LRRC7: variants seen among roughly 807,000 people sequenced by gnomAD.
LRRC7 encodes the protein leucine rich repeat containing 7, also known as leucine-rich repeat-containing protein 7.
In LRRC7, 23 loss-of-function variants were observed where a neutral mutation model predicts 175.7. The ratio of observed to expected loss-of-function variants is 0.13; its 90% CI spans 0.09 to 0.19. The LOEUF is 0.19. Among genes scored for constraint, LRRC7 ranks in the 10% least tolerant of loss-of-function variants. The pLI is 1.00. For missense variants in LRRC7, 1,354 were observed against 1,904.7 expected (o/e 0.71, Z 5.38); for synonymous variants, 685 against 680.9 (o/e 1.01, Z -0.09).
chr1:69,850,101 C>T (rs546954259), intron 7 of LRRC7, among the ~76,000 whole-genome samples: 1 of 151,880 alleles, frequency 6.6e-6, no homozygotes, highest in African/African-American at 2.4e-5. Flanking sequence ...TTTTTCTAGG[C>T]TGGTCCAGAA....
chr1:69,807,681 G>A (rs1677295987), intron 4 of LRRC7, among the ~76,000 whole-genome samples: 1 of 152,064 alleles, frequency 6.6e-6, no homozygotes, highest in African/African-American at 2.4e-5. Context: ...TAGTCTGATG[G>A]GCTTCCCTTT....
chr1:69,932,409 T>C (rs1647478932), intron 8 of LRRC7, among the ~76,000 whole-genome samples: 1 of 152,216 alleles, frequency 6.6e-6, no homozygotes, highest in Non-Finnish European at 1.5e-5. Flanking sequence ...ATTATAATGT[T>C]CTCTCTTACA....
chr1:69,670,761 G>C (rs1658954425), intron 1 of LRRC7, among the ~76,000 whole-genome samples: 1 of 152,102 alleles, frequency 6.6e-6, no homozygotes, highest in Admixed American at 6.5e-5. Flanking sequence ...TCTTTCCATT[G>C]GGAGAAGAGT....
At chr1:69,745,805 G>T (rs1669193727) in intron 2 of LRRC7, among the ~76,000 whole-genome samples, 1 of 151,554 alleles carries the variant, frequency 6.6e-6, no homozygotes. Flanking sequence ...CATTAATAGT[G>T]CTTTATTTCC....
At chr1:69,960,486 G>A (rs1456868857) in intron 8 of LRRC7, among the ~76,000 whole-genome samples, 2 of 151,840 alleles carry the variant, frequency 1.3e-5, no homozygotes, top group Non-Finnish European at 2.9e-5. Context: ...ATCTCCTTCA[G>A]TTTGACTCTG....
chr1:70,036,504 G>A lies in LRRC7; in HGVS notation c.2168G>A (p.Gly723Asp), dbSNP rs765612430. ...THCLNNSVSS[G>D]TYSDYSPSQA... ...TGTCTGAATAACAGTGTTTCCTCAG[G>A]CACTTACTCAGACTACTCGCCTTCC... is the stretch of plus-strand genomic sequence containing the variant. Residue 723 changes from glycine (G) to aspartate (D), a missense_variant, in exon 20 of 27, where the codon GGC (glycine) becomes GAC (aspartate). By Grantham distance (94) the Gly-to-Asp change is moderately conservative. Around this residue, in one of 4 missense-constraint regions of LRRC7, gnomAD observed 1,032 missense variants for 1,227.2 expected, o/e 0.84. Coordinates refer to ENST00000651989, the MANE Select transcript of LRRC7 (RefSeq NM_001370785.2). 6.2e-7 allele frequency: 1 copy of A among 1,613,948 alleles called. No homozygotes were observed. The highest frequency in any genetic ancestry group is 2.2e-5 in the East Asian group (1 of 44,858).
chr1:69,584,737 A>G (rs937504701), intron 1 of LRRC7, among the ~76,000 whole-genome samples: 1 of 152,152 alleles, frequency 6.6e-6, no homozygotes, highest in Non-Finnish European at 1.5e-5. Flanking sequence ...ACAAAAATTA[A>G]TATGTTTTCT....
chr1:69,980,266 C>A, intron 8 of LRRC7, 113 bp from the exon 9 acceptor site: 1 of 920,582 alleles, frequency 1.1e-6, no homozygotes, highest in African/African-American at 1.7e-5. Flanking sequence ...ATGCTTAACA[C>A]TAGATTCCCA....
At chr1:69,862,171 T>C (rs766363925) in intron 7 of LRRC7, among the ~76,000 whole-genome samples, 25 of 152,122 alleles carry the variant, frequency 1.6e-4, no homozygotes, top group Non-Finnish European at 2.8e-4. Context: ...TTCTCATTTA[T>C]AACATAAAAG....
Position 69,916,028 on chromosome 1 carries a change from A to G in LRRC7, c.648-15479A>G, listed in dbSNP as rs1193959170. ...GGGTCCGTGGTCTTAGCTATTTTAT[A>G]TATATATAAATTTATATATATATTT... On this transcript the variant is annotated intron_variant, in intron 7 of 26. Coordinates refer to ENST00000651989, the MANE Select transcript of LRRC7 (RefSeq NM_001370785.2). Among the ~76,000 whole-genome samples, 13 of 135,504 alleles carry G rather than the reference A, an allele frequency of 9.6e-5. 1 individual carries two copies. In the South Asian group the frequency reaches 2.6e-3, roughly 27 times the overall value. 88.9% of individuals were successfully genotyped at this position (135,504 alleles called of 152,430 possible).
At chr1:69,780,379 G>A (rs185426830) in intron 3 of LRRC7, among the ~76,000 whole-genome samples, 1 of 152,132 alleles carries the variant, frequency 6.6e-6, no homozygotes, top group East Asian at 1.9e-4. Context: ...GTGAGGAAGG[G>A]GATTCTTTGT....
At chr1:69,886,501 T>C (rs373574432) in intron 7 of LRRC7, among the ~76,000 whole-genome samples, 14 of 152,114 alleles carry the variant, frequency 9.2e-5, no homozygotes, top group East Asian at 3.9e-4. Flanking sequence ...TATTTTGAGC[T>C]TATGTGTGTC....
At chr1:69,827,495 C>A (rs947119841) in intron 5 of LRRC7, among the ~76,000 whole-genome samples, 2 of 152,036 alleles carry the variant, frequency 1.3e-5, no homozygotes, top group Non-Finnish European at 2.9e-5. Context: ...TATGAAAAGT[C>A]AACATAAATT....
chr1:69,926,120 T>A (rs943678648), intron 7 of LRRC7, among the ~76,000 whole-genome samples: 17 of 151,250 alleles, frequency 1.1e-4, no homozygotes, highest in Non-Finnish European at 1.5e-5. Flanking sequence ...TTTGAGTGAG[T>A]TTGTTAGTCC....
chr1:69,934,503 G>A (rs866197405), intron 8 of LRRC7, among the ~76,000 whole-genome samples: 1 of 56,472 alleles, frequency 1.8e-5, no homozygotes, highest in Admixed American at 2.6e-4. Flanking sequence ...GCGGGGGGGG[G>A]GCGGGGGGTG....
chr1:70,018,767 C>A lies in LRRC7; in HGVS notation c.1369C>A (p.Gln457Lys). The A allele has an allele frequency of 1.9e-6, 3 of 1,612,808 alleles. No homozygotes were observed. The highest frequency in any genetic ancestry group is 2.2e-5 in the South Asian group (2 of 91,018). The change falls in exon 15 of 27, where the codon CAA becomes AAA. Residue 457 changes from glutamine (Q) to lysine (K), a missense_variant. Physicochemically the swap from Gln to Lys is moderately conservative, Grantham distance 53. Transcript: ENST00000651989. Reference sequence around the variant, plus strand: ...AACAGAAGCCCATCCAGAAACAAAGCAAAGAGTATTGACTAACTACATGTT... The same window carrying A: ...AACAGAAGCCCATCCAGAAACAAAGAAAAGAGTATTGACTAACTACATGTT... ...LQTEAHPETK[Q>K]RVLTNYMFPQ... is the part of the protein sequence containing the mutation.
intron 1 of LRRC7, among the ~76,000 whole-genome samples, chr1:69,653,370 A>T (rs1207721577): frequency 1.3e-5 from 2 of 148,258 alleles, no homozygotes; most frequent in Non-Finnish European, 3.0e-5. Flanking sequence ...ATCTGTGAAA[A>T]GATGCTCAGC....
At chr1:69,604,056 C>T (rs1484296482) in intron 1 of LRRC7, among the ~76,000 whole-genome samples, 2 of 151,896 alleles carry the variant, frequency 1.3e-5, no homozygotes, top group Non-Finnish European at 2.9e-5. Flanking sequence ...CCTTATCAAA[C>T]TCTTGAATAT....
intron 4 of LRRC7, among the ~76,000 whole-genome samples, chr1:69,804,250 G>T (rs1435751424): frequency 6.6e-6 from 1 of 151,268 alleles, no homozygotes; most frequent in Non-Finnish European, 1.5e-5. Flanking sequence ...CTTCTTGCTT[G>T]TAATAAAAAT....
Sources: allele counts gnomAD v4.1 joint callset (sites outside exome capture counted in the v4.1 genomes callset), GRCh38; gene constraint gnomAD v4.1.1; regional missense constraint gnomAD v4.1.1; transcripts MANE v1.5; gene names NCBI Gene and HGNC (gene_info 2026-07-23, HGNC 2026-07-21).